PTPRM: variants seen among roughly 807,000 people sequenced by gnomAD.
The protein encoded by PTPRM is receptor-type tyrosine-protein phosphatase mu.
PTPRM carries 47 observed loss-of-function variants against 186.7 expected under a neutral mutation model. The observed-to-expected ratio is 0.25, with a 90% confidence interval of 0.20 to 0.32. The LOEUF is 0.32. Ranked by LOEUF, PTPRM falls within the 10% of genes least tolerant of loss-of-function variation. The pLI is 1.00. For missense variants in PTPRM, 1,494 were observed against 1,865.0 expected (o/e 0.80, Z 3.66); for synonymous variants, 668 against 674.9 (o/e 0.99, Z 0.16).
At chr18:7,706,601 C>CAA (rs766639399) in intron 1 of PTPRM, among the ~76,000 whole-genome samples, 272 of 16,120 alleles carry the variant, frequency 0.017, 37 homozygotes, top group South Asian at 0.029. Flanking sequence ...GACCTTGTCT[C>CAA]AAAAAAAAAA....
At chr18:8,019,576 T>A (rs1363254044) in intron 7 of PTPRM, among the ~76,000 whole-genome samples, 2 of 151,892 alleles carry the variant, frequency 1.3e-5, no homozygotes, top group African/African-American at 4.8e-5. Context: ...TTTATTTTCC[T>A]CCTACTTCTT....
At chr18:7,960,480 T>TGTATATATATAC (rs1555663278) in intron 7 of PTPRM, among the ~76,000 whole-genome samples, 1 of 86,602 alleles carries the variant, frequency 1.2e-5, no homozygotes, top group African/African-American at 4.4e-5. Context: ...TATATATATA[T>TGTATATATATAC]ACACACACAC....
At chr18:8,287,596 C>G (rs1417946131) in intron 19 of PTPRM, among the ~76,000 whole-genome samples, 6 of 152,136 alleles carry the variant, frequency 3.9e-5, no homozygotes, top group African/African-American at 1.4e-4. Flanking sequence ...CATCTGCTCT[C>G]TAGATGTTTT....
At chr18:8,235,587 A>AT (rs553001564) in intron 14 of PTPRM, among the ~76,000 whole-genome samples, 11 of 146,798 alleles carry the variant, frequency 7.5e-5, no homozygotes, top group Middle Eastern at 7.1e-3. Flanking sequence ...TTCTGCACTA[A>AT]TTTTTTTTTA....
rs746694365 is a variant in PTPRM at position 8,128,667 on chromosome 18, AT to A, written c.2167+13841del. 1.1e-3 allele frequency among the ~76,000 whole-genome samples: 169 copies of A among 152,290 alleles called. 1 individual carries two copies. The highest frequency in any genetic ancestry group is 7.9e-4 in the Non-Finnish European group (54 of 68,006). ...AATGGTGAGAGGATACAGGCATGCC[AT>A]GAGGGATGCTGTTGCTTTTTTCTTG... On this transcript the variant is annotated intron_variant, in intron 13 of 32. Coordinates refer to ENST00000580170, the MANE Select transcript of PTPRM (RefSeq NM_001105244.2).
chr18:8,369,529 G>A (rs1291744496), intron 23 of PTPRM, among the ~76,000 whole-genome samples: 1 of 152,216 alleles, frequency 6.6e-6, no homozygotes, highest in Non-Finnish European at 1.5e-5. Flanking sequence ...GTTGGTTAAG[G>A]GAATCATAGC....
chr18:8,201,677 G>A (rs1420852197), intron 14 of PTPRM, among the ~76,000 whole-genome samples: 4 of 152,090 alleles, frequency 2.6e-5, no homozygotes, highest in African/African-American at 7.2e-5. Context: ...TTCTTGCTGT[G>A]CCCTCTCGTA....
intron 7 of PTPRM, among the ~76,000 whole-genome samples, chr18:7,977,714 T>G (rs914816958): frequency 6.6e-6 from 1 of 152,144 alleles, no homozygotes; most frequent in Non-Finnish European, 1.5e-5. Context: ...TATTCTCCCT[T>G]GAGACTTTGG....
chr18:7,858,329 G>A (rs1489493182), intron 2 of PTPRM, among the ~76,000 whole-genome samples: 1 of 152,070 alleles, frequency 6.6e-6, no homozygotes, highest in Non-Finnish European at 1.5e-5. Flanking sequence ...GGCCGAGGTG[G>A]GAGGATCACT....
chr18:8,024,142 T>C (rs1021117507), intron 7 of PTPRM, among the ~76,000 whole-genome samples: 1 of 152,236 alleles, frequency 6.6e-6, no homozygotes, highest in African/African-American at 2.4e-5. Flanking sequence ...AAATGATTTT[T>C]AATATCTGGT....
chr18:8,099,279 C>T (rs1432619955), intron 11 of PTPRM, among the ~76,000 whole-genome samples: 1 of 152,114 alleles, frequency 6.6e-6, no homozygotes, highest in Non-Finnish European at 1.5e-5. Context: ...TCCCAGAGAG[C>T]TCAGCCCTAG....
At chr18:7,893,652 G>A (rs2049192848) in intron 3 of PTPRM, among the ~76,000 whole-genome samples, 1 of 152,180 alleles carries the variant, frequency 6.6e-6, no homozygotes, top group African/African-American at 2.4e-5. Flanking sequence ...CTTCCAGCAA[G>A]CATCGGCCTT....
At chr18:8,234,799 G>T (rs925846930) in intron 14 of PTPRM, among the ~76,000 whole-genome samples, 2 of 151,958 alleles carry the variant, frequency 1.3e-5, no homozygotes, top group African/African-American at 4.8e-5. Flanking sequence ...TCAAGACTGG[G>T]TATTGGATTT....
At chr18:7,905,082 C>T (rs1209637527) in intron 3 of PTPRM, among the ~76,000 whole-genome samples, 1 of 152,150 alleles carries the variant, frequency 6.6e-6, no homozygotes, top group African/African-American at 2.4e-5. Flanking sequence ...CAACCTCCGC[C>T]TCCCAGATTC....
intron 15 of PTPRM, among the ~76,000 whole-genome samples, chr18:8,245,727 C>T (rs2094471306): frequency 1.3e-5 from 2 of 152,092 alleles, no homozygotes; most frequent in South Asian, 4.2e-4. Flanking sequence ...GCAGTATAAC[C>T]CATTAACGTT....
intron 7 of PTPRM, among the ~76,000 whole-genome samples, chr18:8,056,750 G>C (rs1290815788): frequency 1.2e-5 from 1 of 83,838 alleles, no homozygotes; most frequent in Non-Finnish European, 2.5e-5. Flanking sequence ...GCCTTTTTTA[G>C]CAAAAAAAAA....
chr18:7,909,021 G>A (rs759923385), intron 4 of PTPRM, among the ~76,000 whole-genome samples: 5 of 152,206 alleles, frequency 3.3e-5, no homozygotes, highest in Admixed American at 1.3e-4. Flanking sequence ...CAGAGCTCAC[G>A]GCAAGGCAGA....
chr18:8,289,629 TA>T (rs1477863167), intron 19 of PTPRM, among the ~76,000 whole-genome samples: 2 of 145,602 alleles, frequency 1.4e-5, no homozygotes, highest in African/African-American at 2.5e-5. Context: ...CACATATATA[TA>T]TACACACATA....
chr18:8,099,163 C>G (rs1170388176), intron 11 of PTPRM, among the ~76,000 whole-genome samples: 2 of 151,964 alleles, frequency 1.3e-5, no homozygotes, highest in South Asian at 2.1e-4. Context: ...CTCTCTTTCT[C>G]TCTCTCTTTC....
Sources: allele counts gnomAD v4.1 joint callset (sites outside exome capture counted in the v4.1 genomes callset), GRCh38; gene constraint gnomAD v4.1.1; transcripts MANE v1.5; gene names NCBI Gene and HGNC (gene_info 2026-07-23, HGNC 2026-07-21).